TRIM36: variants seen among roughly 807,000 people sequenced by gnomAD.
The protein encoded by TRIM36 is E3 ubiquitin-protein ligase TRIM36.
A neutral mutation model predicts 72.4 loss-of-function variants in TRIM36; 42 were observed. The observed-to-expected ratio is 0.58, with a 90% CI of 0.45 to 0.75. The LOEUF (loss-of-function observed/expected upper bound fraction) is 0.75, where lower values mean the gene tolerates loss of function less well. TRIM36 is among the 30% of genes least tolerant of loss of function. TRIM36 has a pLI of 0.00. For missense variants in TRIM36, 913 were observed against 857.1 expected, an observed-to-expected ratio of 1.07 and a Z score of -0.81; for synonymous variants, 315 against 282.8, an observed-to-expected ratio of 1.11 and a Z score of -1.14.
chr5:115,143,120 A>C (rs1376446563), intron 4 of TRIM36, among the ~76,000 whole-genome samples: 1 of 150,614 alleles, frequency 6.6e-6, no homozygotes, highest in Non-Finnish European at 1.5e-5. Context: ...GTGTGTGAGG[A>C]AACTGTCCAA....
intron 2 of TRIM36, among the ~76,000 whole-genome samples, chr5:115,156,644 C>G (rs1245106799): frequency 1.3e-5 from 2 of 152,164 alleles, no homozygotes; most frequent in African/African-American, 2.4e-5. Flanking sequence ...ATCGTCATCT[C>G]TCACCTTATA....
intron 2 of TRIM36, chr5:115,159,729 A>G: frequency 4.6e-6 from 2 of 436,774 alleles, no homozygotes; most frequent in East Asian, 7.2e-5. Flanking sequence ...AAGATTCACA[A>G]CTTGTTAACA....
At chr5:115,144,481 TA>T (rs1753467131) in intron 4 of TRIM36, 116 bp downstream of exon 4, 1 of 1,261,392 alleles carries the variant, frequency 7.9e-7, no homozygotes, top group Admixed American at 2.7e-5. Flanking sequence ...AGTAACACTT[TA>T]ACTCATTTTA....
At chr5:115,144,185 G>GT (rs1010551571) in intron 4 of TRIM36, among the ~76,000 whole-genome samples, 13 of 152,118 alleles carry the variant, frequency 8.5e-5, no homozygotes, top group Admixed American at 4.6e-4. Context: ...GTTTTAAATG[G>GT]TAAGTGTGCC....
rs572277959 is a variant in TRIM36 at position 115,126,715 on chromosome 5, C to A, written c.1939G>T (p.Val647Phe). The A allele has an allele frequency of 6.2e-7, 1 of 1,614,058 alleles. No individual in the cohort carries two copies. The highest frequency in any genetic ancestry group is 1.3e-5 in the African/African-American group (1 of 74,930). Residue 647 changes from valine (V) to phenylalanine (F), a missense_variant, in exon 10 of 10, where the codon GTT becomes TTT. Transcript: ENST00000513154. ...PTSSNEPENRVLPMPTSIGIF... is the reference protein window; with the variant it reads ...PTSSNEPENRFLPMPTSIGIF... Reference sequence around the variant, plus strand: ...CCAATACTTGTTGGCATAGGGAGAACTCTATTTTCAGGTTCATTAGAAGAA... The same window carrying A: ...CCAATACTTGTTGGCATAGGGAGAAATCTATTTTCAGGTTCATTAGAAGAA...
intron 1 of TRIM36, 135 bp downstream of exon 1, chr5:115,169,473 G>A: frequency 2.0e-6 from 2 of 978,902 alleles, no homozygotes; most frequent in Non-Finnish European, 2.9e-6. Context: ...AGGCGAAGAG[G>A]AAGCGGGATC....
At chr5:115,130,391 T>A (rs1391840375) in intron 9 of TRIM36, among the ~76,000 whole-genome samples, 4 of 152,226 alleles carry the variant, frequency 2.6e-5, no homozygotes, top group Non-Finnish European at 5.9e-5. Context: ...GATTTCCTCA[T>A]GATATTAAAA....
chr5:115,151,543 G>A (rs1232646942), intron 2 of TRIM36, among the ~76,000 whole-genome samples: 5 of 152,164 alleles, frequency 3.3e-5, no homozygotes, highest in African/African-American at 9.7e-5. Context: ...ATGCTCTTTG[G>A]AAAGTGCCAC....
intron 2 of TRIM36, among the ~76,000 whole-genome samples, chr5:115,155,909 A>C (rs907373278): frequency 1.3e-5 from 2 of 152,206 alleles, no homozygotes; most frequent in Non-Finnish European, 2.9e-5. Flanking sequence ...AAAACCCTAA[A>C]GCCTCCTCCA....
At chr5:115,140,470 T>C (rs1347987344) in intron 5 of TRIM36, among the ~76,000 whole-genome samples, 2 of 152,166 alleles carry the variant, frequency 1.3e-5, no homozygotes, top group African/African-American at 4.8e-5. Flanking sequence ...TAAAGACTAA[T>C]GAATCTTTAC....
At chr5:115,170,782 G>A (rs551349849), upstream of TRIM36, among the ~76,000 whole-genome samples, 1 of 152,230 alleles carries the variant, frequency 6.6e-6, no homozygotes, top group African/African-American at 2.4e-5. Context: ...CGCCACCCGG[G>A]CCTACGCTTT....
chr5:115,143,783 T>C (rs182469259), intron 4 of TRIM36, among the ~76,000 whole-genome samples: 1 of 152,298 alleles, frequency 6.6e-6, no homozygotes, highest in African/African-American at 2.4e-5. Context: ...GAAAAGATAG[T>C]AGTGTACTGC....
chr5:115,173,714 T>C (rs1342442381), upstream of TRIM36, among the ~76,000 whole-genome samples: 1 of 152,134 alleles, frequency 6.6e-6, no homozygotes, highest in African/African-American at 2.4e-5. Flanking sequence ...AAATCATTAT[T>C]CCCCTATTTT....
Position 115,130,843 on chromosome 5 carries a change from G to A in TRIM36, c.1545C>T (p.His515=). ...FDEKCGYNNE[H]LLLNLKRDRV... ...GGTCTCTCTTCAAGTTCAGCAGGAG[G>A]TGTTCATTATTATAGCCACATTTTT... The change falls in exon 9 of 10, where the codon CAC becomes CAT. Residue 515 remains histidine, a synonymous_variant. Transcript: ENST00000513154. 1 of 1,613,852 alleles carries A rather than the reference G, an allele frequency of 6.2e-7. No homozygotes were observed. Among genetic ancestry groups the A allele is most frequent in the Non-Finnish European group, 8.5e-7 (1 of 1,179,912 alleles).
At chr5:115,169,912 T>G (rs1391778381), upstream of TRIM36, 1 of 1,287,572 alleles carries the variant, frequency 7.8e-7, no homozygotes, top group Non-Finnish European at 9.8e-7. Flanking sequence ...GGACTGCGGC[T>G]GGGAACGGCG....
chr5:115,160,700 G>A lies in TRIM36; in HGVS notation c.262+2818C>T, dbSNP rs112498412. Among the ~76,000 whole-genome samples the A allele has an allele frequency of 3.4e-3, 522 of 152,224 alleles. 5 individuals are homozygous for A. Among genetic ancestry groups the A allele is most frequent in the African/African-American group, 0.012 (510 of 41,540 alleles). On this transcript the variant is annotated intron_variant, in intron 2 of 9. Transcript: ENST00000513154. ...CAAAAAAAATTTTTTAATTAGCAGGGTGCGAGTGAGTAGCATGCACCTCTA... is the reference window on the plus strand; with the variant it reads ...CAAAAAAAATTTTTTAATTAGCAGGATGCGAGTGAGTAGCATGCACCTCTA...
chr5:115,149,018 G>T (rs1753745002), intron 2 of TRIM36: 1 of 152,122 alleles, frequency 6.6e-6, no homozygotes, highest in African/African-American at 2.4e-5. Context: ...CATGCTATAT[G>T]GCATTGGGCC....
In TRIM36 at chr5:115,133,901, G is replaced by A. The variant is rs754519246; in HGVS notation, c.1457C>T (p.Pro486Leu). ...VRAYKGSICS[P>L]CSRELILHTP... ...ATGAAGAATCAATTCTCTGCTGCAA[G>A]GACTACAGATTGAACCCTTGTAAGC... Residue 486 changes from proline to leucine, a missense_variant, in exon 8 of 10, where the codon CCT becomes CTT. Coordinates refer to ENST00000513154, the MANE Select transcript of TRIM36 (RefSeq NM_001300759.2). 2 of 1,611,010 alleles carry A rather than the reference G, an allele frequency of 1.2e-6. No individual in the cohort carries two copies. The highest frequency in any genetic ancestry group is 2.2e-5 in the East Asian group (1 of 44,694).
In TRIM36 at chr5:115,166,339, G is replaced by A. The variant is rs1293329928; in HGVS notation, c.28-2587C>T. On this transcript the variant is annotated intron_variant, in intron 1 of 9. Transcript: ENST00000513154. ...GCCAGACTCTGGCAGATGATAGGAC[G>A]ACCTGCCTGCAGGTAAGAGCTACCC... Among the ~76,000 whole-genome samples the A allele has an allele frequency of 2.6e-5, 4 of 152,154 alleles. No homozygotes were observed. In the East Asian group the frequency reaches 7.7e-4, roughly 29 times the overall value.
Sources: gnomAD v4.1 joint callset for allele counts (sites outside exome capture counted in the v4.1 genomes callset) on GRCh38, gnomAD v4.1.1 for gene constraint, MANE v1.5 for transcripts, NCBI Gene and HGNC (gene_info 2026-07-23, HGNC 2026-07-21) for gene names.